Variants in RAB3GAP2 observed in about 807,000 individuals in gnomAD.
RAB3GAP2 encodes the protein RAB3 GTPase activating non-catalytic protein subunit 2.
Under a neutral mutation model 185.3 loss-of-function variants are expected in RAB3GAP2, and 87 were observed. The observed-to-expected ratio is 0.47, with a 90% CI of 0.39 to 0.56. RAB3GAP2 has a LOEUF of 0.56. Among genes scored for constraint, RAB3GAP2 ranks in the 20% least tolerant of loss-of-function variants. The probability of loss-of-function intolerance (pLI) is 0.00; values close to 1 mark genes in which losing one functional copy is unlikely to be tolerated. For synonymous variants in RAB3GAP2, 554 were observed against 576.1 expected (o/e 0.96, Z 0.55); for missense variants, 1,492 against 1,638.2 (o/e 0.91, Z 1.54).
At chr1:220,211,046 C>A in intron 4 of RAB3GAP2, 44 bp from the exon 5 acceptor site, 1 of 1,560,456 alleles carries the variant, frequency 6.4e-7, no homozygotes, top group Non-Finnish European at 8.8e-7. Context: ...CTGAACTTAC[C>A]AATTACTTTT....
At chr1:220,222,302 A>G (rs546927897) in intron 2 of RAB3GAP2, among the ~76,000 whole-genome samples, 1 of 152,278 alleles carries the variant, frequency 6.6e-6, no homozygotes, top group Non-Finnish European at 1.5e-5. Context: ...TTGTACTCCC[A>G]AACAAAATTT....
chr1:220,257,222 CAA>C (rs1660047591), intron 1 of RAB3GAP2, among the ~76,000 whole-genome samples: 1 of 151,648 alleles, frequency 6.6e-6, no homozygotes, highest in Non-Finnish European at 1.5e-5. Context: ...ACTAAAAATA[CAA>C]AAAATTAGCC....
chr1:220,257,819 G>C (rs908945946), intron 1 of RAB3GAP2, among the ~76,000 whole-genome samples: 3 of 151,902 alleles, frequency 2.0e-5, no homozygotes, highest in African/African-American at 4.8e-5. Context: ...TAATAAAATA[G>C]ATAGAACTCT....
At chr1:220,170,755 G>C in intron 24 of RAB3GAP2, 137 bp downstream of exon 24, 1 of 748,414 alleles carries the variant, frequency 1.3e-6, no homozygotes, top group Non-Finnish European at 2.2e-6. Flanking sequence ...TTAATTTAAA[G>C]GTAGTATATA....
chr1:220,271,748 C>G (rs1571940835), intron 1 of RAB3GAP2, among the ~76,000 whole-genome samples: 1 of 151,926 alleles, frequency 6.6e-6, no homozygotes, highest in Non-Finnish European at 1.5e-5. Context: ...TAGCAGAAGG[C>G]CACAGTCTCC....
At chr1:220,202,253 G>T (rs1019150551) in intron 9 of RAB3GAP2, 23 bp downstream of exon 9, 3 of 1,607,556 alleles carry the variant, frequency 1.9e-6, no homozygotes, top group Non-Finnish European at 1.7e-6. Context: ...AATTCCAAGA[G>T]AATTTGAATT....
intron 33 of RAB3GAP2, 124 bp downstream of exon 33, chr1:220,153,061 T>C: frequency 1.3e-6 from 1 of 766,276 alleles, no homozygotes; most frequent in East Asian, 2.5e-5. Flanking sequence ...TTGTTCTATT[T>C]TTATACCTAG....
intron 2 of RAB3GAP2, among the ~76,000 whole-genome samples, chr1:220,214,946 T>TTATATATA (rs10526805): frequency 0.05 from 4,481 of 89,254 alleles, 254 homozygotes; most frequent in Middle Eastern, 0.062. Flanking sequence ...AATAGTAGCA[T>TTATATATA]TATATATATA....
At position 220,212,939 on chromosome 1, in the gene RAB3GAP2, C is replaced by T. The variant is rs769920427; in HGVS notation, c.334G>A (p.Glu112Lys). The T allele has an allele frequency of 6.2e-7, 1 of 1,613,120 alleles. No homozygotes were observed. The highest frequency in any genetic ancestry group is 1.7e-5 in the Admixed American group (1 of 60,006). ...CAGCCAACAGCAAATTGCATTTCTT[C>T]CTTTCCTTTATCACTATATTTCCAT... ...PKWKYSDKGKEEMQFAVGWSG... is the reference protein window; with the variant it reads ...PKWKYSDKGKKEMQFAVGWSG... Residue 112 changes from glutamate to lysine, a missense_variant, in exon 4 of 35, where the codon GAA becomes AAA. Glu to Lys is a moderately conservative substitution (Grantham distance 56). This residue lies in a region of RAB3GAP2 where 177 missense variants were observed against 160.6 expected (regional missense o/e 1.10). Transcript: ENST00000358951.
At chr1:220,167,812 TGA>T in intron 24 of RAB3GAP2, 137 bp from the exon 25 acceptor site, 3 of 941,782 alleles carry the variant, frequency 3.2e-6, no homozygotes, top group Non-Finnish European at 5.0e-6. Flanking sequence ...GAAAAAGCCA[TGA>T]GATTTACAGC....
In RAB3GAP2 at chr1:220,149,599, G is replaced by A. The variant is rs1011809525; in HGVS notation, c.*1652C>T. On this transcript the variant is annotated 3_prime_UTR_variant, in exon 35 of 35. Coordinates refer to ENST00000358951, the MANE Select transcript of RAB3GAP2 (RefSeq NM_012414.4). ...AACACAGAGCCAGATATGTTTACAA[G>A]AATTCTAGGATGTGTGTGGCTGGGG... 6.6e-6 allele frequency: 1 copy of A among 152,138 alleles called. No individual in the cohort carries two copies. The highest frequency in any genetic ancestry group is 6.5e-5 in the Admixed American group (1 of 15,276). 9.4% of individuals were successfully genotyped at this position (152,138 alleles called of 1,614,324 possible). A position where few individuals can be genotyped will look rare whatever the true frequency, so the allele number is the denominator to read the frequency against.
At position 220,213,720 on chromosome 1, in the gene RAB3GAP2, C is replaced by T. The variant is rs1461769399; in HGVS notation, c.304+136G>A. ...AATGGAGAGGGAGGGAGGGAGGGGG[C>T]GGAGGAGGAGTTGGGGGGGGGGGGA... On this transcript the variant is annotated intron_variant, in intron 3 of 34. Coordinates refer to ENST00000358951, the MANE Select transcript of RAB3GAP2 (RefSeq NM_012414.4). The T allele has an allele frequency of 6.1e-5, 46 of 753,126 alleles. No individual in the cohort carries two copies. In the East Asian group the frequency reaches 9.1e-4, roughly 15 times the overall value. The allele number at this position is 753,126 out of a possible 1,614,324, so 46.7% of individuals were successfully genotyped here.
In RAB3GAP2 at chr1:220,217,815, C is replaced by T. The variant is rs563731866; in HGVS notation, c.181-3836G>A. On this transcript the variant is annotated intron_variant, in intron 2 of 34. Coordinates refer to ENST00000358951, the MANE Select transcript of RAB3GAP2 (RefSeq NM_012414.4). ...AAGATTTAATAGTTCAAGATTCTGG[C>T]TGACATATTCATGGTAAGTACAAGT... 3.9e-5 allele frequency among the ~76,000 whole-genome samples: 6 copies of T among 152,266 alleles called. No homozygotes were observed. In the East Asian group the frequency reaches 1.2e-3, roughly 29 times the overall value.
intron 21 of RAB3GAP2, among the ~76,000 whole-genome samples, chr1:220,179,948 G>C (rs964989056): frequency 1.3e-5 from 2 of 152,078 alleles, no homozygotes; most frequent in Non-Finnish European, 2.9e-5. Flanking sequence ...CAGATCACGA[G>C]GTCAAGAGAT....
At chr1:220,165,786 A>G (rs1345293416) in intron 26 of RAB3GAP2, among the ~76,000 whole-genome samples, 1 of 152,204 alleles carries the variant, frequency 6.6e-6, no homozygotes, top group Admixed American at 6.5e-5. Context: ...CTACTATTAC[A>G]GCCCTCATTT....
intron 9 of RAB3GAP2, among the ~76,000 whole-genome samples, chr1:220,198,674 C>G (rs1439582675): frequency 6.6e-6 from 1 of 152,170 alleles, no homozygotes; most frequent in Non-Finnish European, 1.5e-5. Flanking sequence ...AAGCATTACT[C>G]ACTGCTGAGA....
chr1:220,262,970 CTT>C (rs530788403), intron 1 of RAB3GAP2, among the ~76,000 whole-genome samples: 4 of 145,758 alleles, frequency 2.7e-5, no homozygotes, highest in African/African-American at 9.9e-5. Context: ...TATCCTGATA[CTT>C]TTTTTTTTTT....
Position 220,148,873 on chromosome 1 carries a change from C to T in RAB3GAP2, c.*2378G>A, listed in dbSNP as rs1175037612. On this transcript the variant is annotated 3_prime_UTR_variant, in exon 35 of 35. Coordinates refer to ENST00000358951, the MANE Select transcript of RAB3GAP2 (RefSeq NM_012414.4). ...AATGTAGAAGTTATGATTATTTGAA[C>T]ACTTTTTGTTTTCCTTCAGCATTAT... 6.6e-6 allele frequency: 1 copy of T among 152,068 alleles called. No homozygotes were observed. The allele number at this position is 152,068 out of a possible 1,614,324, so 9.4% of individuals were successfully genotyped here. A position where few individuals can be genotyped will look rare whatever the true frequency, so the allele number is the denominator to read the frequency against.
chr1:220,231,533 A>G (rs1659500492), intron 2 of RAB3GAP2, among the ~76,000 whole-genome samples: 1 of 152,190 alleles, frequency 6.6e-6, no homozygotes, highest in South Asian at 2.1e-4. Context: ...TTTCTTAAAA[A>G]AAAAATCCTG....
Sources: allele counts gnomAD v4.1 joint callset (sites outside exome capture counted in the v4.1 genomes callset), GRCh38; gene constraint gnomAD v4.1.1; regional missense constraint gnomAD v4.1.1; transcripts MANE v1.5; gene names NCBI Gene and HGNC (gene_info 2026-07-23, HGNC 2026-07-21).